Variants in ATIC observed in about 807,000 individuals in gnomAD.
ATIC encodes the protein bifunctional purine biosynthesis protein ATIC.
Under a neutral mutation model 72.5 loss-of-function variants are expected in ATIC, and 64 were observed. The observed-to-expected ratio is 0.88, with a 90% CI of 0.72 to 1.09. The LOEUF (loss-of-function observed/expected upper bound fraction) is 1.09. Ranked by LOEUF, ATIC falls within the 50% of genes least tolerant of loss-of-function variation. ATIC has a pLI of 0.00. For missense variants in ATIC, 787 were observed against 732.4 expected (o/e 1.07, Z -0.86); for synonymous variants, 281 against 267.1 (o/e 1.05, Z -0.51).
intron 4 of ATIC, 82 bp downstream of exon 4, chr2:215,319,813 TACTC>T (rs1156330539): frequency 1.7e-6 from 2 of 1,159,640 alleles, no homozygotes; most frequent in East Asian, 4.8e-5. Context: ...TGTGTTTTCT[TACTC>T]ACTATAAACC....
rs576046697 is a variant in ATIC at position 215,332,380 on chromosome 2, A to G, written c.689-2A>G. On this transcript the variant is annotated splice_acceptor_variant, in intron 7 of 15. Coordinates refer to ENST00000236959, the MANE Select transcript of ATIC (RefSeq NM_004044.7). LOFTEE classifies it high-confidence loss of function. ...AATGTGCATGTATATTTTTACATTT[A>G]GTTCTAAATGGAGCCCCTGGATTTA... 1.2e-6 allele frequency: 2 copies of G among 1,614,030 alleles called. No individual in the cohort carries two copies. The highest frequency in any genetic ancestry group is 4.5e-5 in the East Asian group (2 of 44,870).
At chr2:215,336,174 C>T (rs763920092) in intron 11 of ATIC, 50 bp downstream of exon 11, 2 of 1,363,878 alleles carry the variant, frequency 1.5e-6, no homozygotes, top group African/African-American at 2.9e-5. Flanking sequence ...TATTCTGTGT[C>T]TCTTTCTCCC....
rs921429513 is a variant in ATIC, at chr2:215,349,268, G to A, written c.1659+19G>A. 1.2e-6 allele frequency: 2 copies of A among 1,613,952 alleles called. No homozygotes were observed. Among genetic ancestry groups the A allele is most frequent in the East Asian group, 2.2e-5 (1 of 44,866 alleles). Reference sequence around the variant, plus strand: ...TAAAAGGGTAAGTATGGAATTGGGTGCATTTGCTTAGAGTTGAGCATTATG... The same window carrying A: ...TAAAAGGGTAAGTATGGAATTGGGTACATTTGCTTAGAGTTGAGCATTATG... On this transcript the variant is annotated intron_variant, in intron 15 of 15. Transcript: ENST00000236959.
At position 215,333,301 on chromosome 2, in the gene ATIC, G is replaced by A. The variant is rs547703964; in HGVS notation, c.815-49G>A. 3.3e-6 allele frequency: 5 copies of A among 1,503,662 alleles called. No homozygotes were observed. The East Asian group carries it at 9.0e-5, about 27-fold the overall frequency. The allele number at this position is 1,503,662 out of a possible 1,614,324, so 93.1% of individuals were successfully genotyped here. A position where few individuals can be genotyped will look rare whatever the true frequency, so the allele number is the denominator to read the frequency against. On this transcript the variant is annotated intron_variant, in intron 8 of 15. Transcript: ENST00000236959. ...ACTGTCTTGATTTAGGAGTTGACAG[G>A]TAGTAACTTTAGCTTTCTTTGTTTA...
At chr2:215,325,190 A>G (rs1321125940) in intron 4 of ATIC, 51 bp from the exon 5 acceptor site, 10 of 1,421,758 alleles carry the variant, frequency 7.0e-6, no homozygotes, top group Non-Finnish European at 9.9e-6. Flanking sequence ...ATAGCTGTAA[A>G]CCACATGAGT....
At chr2:215,355,699 T>G in the ATIC span, among the ~76,000 whole-genome samples, 156 of 152,372 alleles carry the variant, frequency 1.0e-3, no homozygotes, top group Non-Finnish European at 2.0e-3. Flanking sequence ...GAAAAGTGCA[T>G]GAAACTTTTA....
At chr2:215,325,176 C>T in intron 4 of ATIC, 65 bp from the exon 5 acceptor site, 1 of 1,242,412 alleles carries the variant, frequency 8.0e-7, no homozygotes, top group Admixed American at 1.7e-5. Flanking sequence ...TGTTTTTTTC[C>T]TAGATAGCTG....
chr2:215,315,005 A>G lies in ATIC; in HGVS notation c.146+2381A>G, dbSNP rs2052693790. On this transcript the variant is annotated intron_variant, in intron 2 of 15. Transcript: ENST00000236959. ...TATGTTTAGGTTCAACAAAGAATGGACAGAAAGGTGGAAGTATGATTGGAC... is the reference window on the plus strand; with the variant it reads ...TATGTTTAGGTTCAACAAAGAATGGGCAGAAAGGTGGAAGTATGATTGGAC... Among the ~76,000 whole-genome samples, 3 of 152,342 alleles carry G rather than the reference A, an allele frequency of 2.0e-5. No homozygotes were observed. The South Asian group carries it at 6.2e-4, about 32-fold the overall frequency.
chr2:215,354,377 T>C (rs2053151905), downstream of ATIC, among the ~76,000 whole-genome samples: 1 of 152,164 alleles, frequency 6.6e-6, no homozygotes, highest in South Asian at 2.1e-4. Context: ...ATAATGTGTT[T>C]AGGTGTGGGT....
At chr2:215,347,743 C>T (rs774845470) in intron 14 of ATIC, 15 of 465,012 alleles carry the variant, frequency 3.2e-5, no homozygotes, top group Non-Finnish European at 5.1e-5. Flanking sequence ...TACCAGTCAA[C>T]CCCTGCTACT....
At chr2:215,324,729 G>A (rs1428352023) in intron 4 of ATIC, among the ~76,000 whole-genome samples, 1 of 152,004 alleles carries the variant, frequency 6.6e-6, no homozygotes, top group Non-Finnish European at 1.5e-5. Flanking sequence ...TGGCATTCCT[G>A]TTACCATCAT....
At chr2:215,349,288 A>G in intron 15 of ATIC, 39 bp downstream of exon 15, 7 of 1,612,996 alleles carry the variant, frequency 4.3e-6, no homozygotes, top group South Asian at 1.1e-5. Flanking sequence ...AGAGTTGAGC[A>G]TTATGTAGAA....
Position 215,319,868 on chromosome 2 carries a change from C to T in ATIC, c.290+137C>T, listed in dbSNP as rs943188048. The stretch of plus-strand genomic sequence containing the variant: ...CTGTGTGACTTTGTATGTGTGTAAG[C>T]ATTTTGGTTTGGCCAGATTTATATA... On this transcript the variant is annotated intron_variant, in intron 4 of 15. Coordinates refer to ENST00000236959, the MANE Select transcript of ATIC (RefSeq NM_004044.7). The T allele has an allele frequency of 1.8e-5, 14 of 757,628 alleles. No homozygotes were observed. The Admixed American group carries it at 3.3e-4, about 18-fold the overall frequency. 46.9% of individuals were successfully genotyped at this position (757,628 alleles called of 1,614,324 possible).
In ATIC at chr2:215,318,101, G is replaced by C. The variant is rs2052728680; in HGVS notation, c.147-56G>C. 2.7e-6 allele frequency: 4 copies of C among 1,485,270 alleles called. No individual in the cohort carries two copies. In the African/African-American group the frequency reaches 5.5e-5, roughly 21 times the overall value. 92.0% of individuals were successfully genotyped at this position (1,485,270 alleles called of 1,614,324 possible). ...ATGAAAACAGTAGATGCTTTGAATA[G>C]TGAAAATTACAATTCAGCCACACCA... On this transcript the variant is annotated intron_variant, in intron 2 of 15. Transcript: ENST00000236959.
In ATIC at chr2:215,349,669, T is replaced by C. The variant is rs2053113738; in HGVS notation, c.*14T>C. Reference sequence around the variant, plus strand: ...TTCCACCACTGATTTTACCACACACTGTTTTTTGGCTTGCTTATGTGTAGG... The same window carrying C: ...TTCCACCACTGATTTTACCACACACCGTTTTTTGGCTTGCTTATGTGTAGG... On this transcript the variant is annotated 3_prime_UTR_variant, in exon 16 of 16. Transcript: ENST00000236959. 1 of 1,614,032 alleles carries C rather than the reference T, an allele frequency of 6.2e-7. No individual in the cohort carries two copies. Among genetic ancestry groups the C allele is most frequent in the African/African-American group, 1.3e-5 (1 of 74,908 alleles).
At chr2:215,312,243 C>T in intron 1 of ATIC, 82 bp downstream of exon 1, 3 of 1,452,894 alleles carry the variant, frequency 2.1e-6, no homozygotes, top group South Asian at 1.4e-5. Flanking sequence ...CCGGCGGGAC[C>T]CGGCACTGCA....
chr2:215,333,281 C>G, intron 8 of ATIC, 69 bp from the exon 9 acceptor site: 2 of 1,347,286 alleles, frequency 1.5e-6, no homozygotes, highest in Non-Finnish European at 2.1e-6. Context: ...AGAAAACTGT[C>G]TTGATTTAGG....
At position 215,326,144 on chromosome 2, in the gene ATIC, A is replaced by G. The variant is rs2052822854; in HGVS notation, c.531+6A>G. 6.2e-7 allele frequency: 1 copy of G among 1,613,600 alleles called. No individual in the cohort carries two copies. Among genetic ancestry groups the G allele is most frequent in the African/African-American group, 1.3e-5 (1 of 74,878 alleles). The stretch of plus-strand genomic sequence containing the variant: ...GACGCCAGTTAGCCTTGAAGGTGGG[A>G]TGCACTTTCATGATATTGTAAGTTA... On this transcript the variant is annotated splice_donor_region_variant and intron_variant, in intron 6 of 15. Transcript: ENST00000236959.
rs897039240 is a variant in ATIC, at chr2:215,347,095, T to A, written c.1503+154T>A. ...TTGATCATTGAAACTTCTTACACAT[T>A]TCTCATGTTCTTCTGTCTCATGTAA... is the stretch of plus-strand genomic sequence containing the variant. On this transcript the variant is annotated intron_variant, in intron 14 of 15. Transcript: ENST00000236959. 176 of 990,522 alleles carry A rather than the reference T, an allele frequency of 1.8e-4. 1 individual carries two copies. Among genetic ancestry groups the A allele is most frequent in the Admixed American group, 6.4e-5 (3 of 47,232 alleles). 61.4% of individuals were successfully genotyped at this position (990,522 alleles called of 1,614,324 possible).
Sources: gnomAD v4.1 joint callset for allele counts (sites outside exome capture counted in the v4.1 genomes callset) on GRCh38, gnomAD v4.1.1 for gene constraint, MANE v1.5 for transcripts, NCBI Gene and HGNC (gene_info 2026-07-23, HGNC 2026-07-21) for gene names.